Variants in ZNF385D observed in about 807,000 individuals in gnomAD.
The protein encoded by ZNF385D is zinc finger protein 385D, also known as zinc finger protein 659.
A neutral mutation model predicts 35.8 loss-of-function variants in ZNF385D; 15 were observed. The observed-to-expected ratio is 0.42, with a 90% CI of 0.28 to 0.64. The LOEUF (loss-of-function observed/expected upper bound fraction) is 0.64, where lower values mean the gene tolerates loss of function less well. Among genes scored for constraint, ZNF385D ranks in the 30% least tolerant of loss-of-function variants. ZNF385D has a pLI of 0.23. For synonymous variants in ZNF385D, 212 were observed against 186.8 expected (o/e 1.13, Z -1.10); for missense variants, 474 against 494.6 (o/e 0.96, Z 0.39).
At chr3:21,537,653 A>T (rs2062068550) in intron 3 of ZNF385D, among the ~76,000 whole-genome samples, 1 of 152,162 alleles carries the variant, frequency 6.6e-6, no homozygotes, top group African/African-American at 2.4e-5. Context: ...ACCCAAGATC[A>T]GTGCCTCACA....
In ZNF385D at chr3:21,455,320, A is replaced by G. The variant is rs551181685; in HGVS notation, c.440-18117T>C. 1.7e-3 allele frequency among the ~76,000 whole-genome samples: 259 copies of G among 152,314 alleles called. 1 individual carries two copies. Among genetic ancestry groups the G allele is most frequent in the Middle Eastern group, 6.8e-3 (2 of 294 alleles). ...AGAACAAAGCTGGAGGCATCATGCTACCTGACTTCAAACTATACTACAAGC... is the reference window on the plus strand; with the variant it reads ...AGAACAAAGCTGGAGGCATCATGCTGCCTGACTTCAAACTATACTACAAGC... On this transcript the variant is annotated intron_variant, in intron 4 of 7. Transcript: ENST00000281523.
chr3:22,108,436 G>C (rs77265709), intron 3 of ZNF385D, among the ~76,000 whole-genome samples: 3 of 151,836 alleles, frequency 2.0e-5, no homozygotes, highest in Non-Finnish European at 4.4e-5. Flanking sequence ...GGTATGAAAT[G>C]CAACTATAGC....
intron 3 of ZNF385D, among the ~76,000 whole-genome samples, chr3:21,518,267 T>C (rs913585018): frequency 2.0e-5 from 3 of 152,170 alleles, no homozygotes; most frequent in Non-Finnish European, 4.4e-5. Context: ...GATACATGTG[T>C]ATTTGGGGAA....
At chr3:21,502,991 A>G (rs1285551907) in intron 4 of ZNF385D, among the ~76,000 whole-genome samples, 1 of 152,182 alleles carries the variant, frequency 6.6e-6, no homozygotes, top group East Asian at 1.9e-4. Context: ...GAAAGACCCC[A>G]GGAGTTAGCA....
chr3:22,232,872 T>C (rs773736605), intron 2 of ZNF385D, among the ~76,000 whole-genome samples: 6 of 152,210 alleles, frequency 3.9e-5, no homozygotes, highest in Non-Finnish European at 8.8e-5. Flanking sequence ...ATTCTTGACA[T>C]TGTTTACATC....
At chr3:21,763,405 TAAAGTGA>T (rs370610726) in intron 3 of ZNF385D, among the ~76,000 whole-genome samples, 7 of 152,306 alleles carry the variant, frequency 4.6e-5, no homozygotes, top group African/African-American at 1.7e-4. Context: ...AGGGTTTCTA[TAAAGTGA>T]AAAGTTTTCT....
upstream of ZNF385D, among the ~76,000 whole-genome samples, chr3:21,752,405 C>A (rs1429433173): frequency 1.3e-5 from 2 of 151,922 alleles, no homozygotes; most frequent in Non-Finnish European, 2.9e-5. Context: ...AGTGTGATAG[C>A]AAAGATTTCT....
At chr3:21,994,058 T>C (rs1032768682) in intron 3 of ZNF385D, among the ~76,000 whole-genome samples, 1 of 152,198 alleles carries the variant, frequency 6.6e-6, no homozygotes, top group African/African-American at 2.4e-5. Context: ...AGCCCAAACC[T>C]ACACAAAGTC....
At chr3:21,728,311 T>TAATAATAAA (rs2068852678) in intron 1 of ZNF385D, among the ~76,000 whole-genome samples, 1 of 140,938 alleles carries the variant, frequency 7.1e-6, no homozygotes, top group East Asian at 2.0e-4. Context: ...ATAATAATAA[T>TAATAATAAA]AAAAGCAGAC....
chr3:22,089,033 G>A (rs1242119207), intron 3 of ZNF385D, among the ~76,000 whole-genome samples: 1 of 152,124 alleles, frequency 6.6e-6, no homozygotes, highest in African/African-American at 2.4e-5. Context: ...TTACCCAGGA[G>A]GTAGGGATCA....
chr3:21,996,186 A>G (rs1165959883), intron 3 of ZNF385D, among the ~76,000 whole-genome samples: 2 of 152,152 alleles, frequency 1.3e-5, no homozygotes, highest in East Asian at 1.9e-4. Flanking sequence ...GAATAATGCC[A>G]TCATGTGGAC....
At chr3:22,239,586 G>T (rs898109734) in intron 2 of ZNF385D, among the ~76,000 whole-genome samples, 2 of 150,560 alleles carry the variant, frequency 1.3e-5, no homozygotes, top group African/African-American at 4.9e-5. Context: ...GACTATTCCT[G>T]TATTTTATTT....
At chr3:22,212,890 G>T (rs186554262) in intron 2 of ZNF385D, among the ~76,000 whole-genome samples, 54 of 151,990 alleles carry the variant, frequency 3.6e-4, no homozygotes, top group African/African-American at 1.3e-3. Context: ...AATTTAAGAT[G>T]CACAGCCAAA....
At chr3:21,913,991 T>C (rs965720288) in intron 3 of ZNF385D, among the ~76,000 whole-genome samples, 4 of 152,096 alleles carry the variant, frequency 2.6e-5, no homozygotes, top group Admixed American at 6.6e-5. Flanking sequence ...GATTTGCAGC[T>C]TGTTTGGTTT....
chr3:21,792,839 A>AT (rs763415258), intron 3 of ZNF385D, among the ~76,000 whole-genome samples: 6 of 152,156 alleles, frequency 3.9e-5, no homozygotes, highest in Non-Finnish European at 7.4e-5. Flanking sequence ...GATTGTTTTG[A>AT]TTTTTTTAAA....
At position 22,225,703 on chromosome 3, in the gene ZNF385D, A is replaced by C. The variant is rs538457425; in HGVS notation, c.107-56668T>G. 7.2e-5 allele frequency among the ~76,000 whole-genome samples: 11 copies of C among 152,296 alleles called. No individual in the cohort carries two copies. In the South Asian group the frequency reaches 2.3e-3, roughly 32 times the overall value. On this transcript the variant is annotated intron_variant, in intron 2 of 5. Transcript: ENST00000494108. ...TTTACTAATAGTTTCTGGATTCAAC[A>C]ACCAAATAAACTACTTAACCTTAAA...
intron 3 of ZNF385D, among the ~76,000 whole-genome samples, chr3:21,855,826 A>C (rs1387204300): frequency 2.0e-5 from 3 of 152,042 alleles, no homozygotes; most frequent in Admixed American, 2.0e-4. Flanking sequence ...TTGACTCTTC[A>C]TAATAATGAA....
chr3:22,090,824 C>T (rs533884543), intron 3 of ZNF385D, among the ~76,000 whole-genome samples: 1 of 152,266 alleles, frequency 6.6e-6, no homozygotes, highest in East Asian at 1.9e-4. Context: ...CTCTCCCATG[C>T]CTGAGGAGAC....
At chr3:21,475,310 T>C (rs1033204479) in intron 4 of ZNF385D, among the ~76,000 whole-genome samples, 2 of 152,116 alleles carry the variant, frequency 1.3e-5, no homozygotes, top group African/African-American at 2.4e-5. Context: ...CTATAACTAT[T>C]TGTCTGAAGG....
Sources: allele counts gnomAD v4.1 joint callset (sites outside exome capture counted in the v4.1 genomes callset), GRCh38; gene constraint gnomAD v4.1.1; transcripts MANE v1.5; gene names NCBI Gene and HGNC (gene_info 2026-07-23, HGNC 2026-07-21).